Variants in WDTC1 observed in about 807,000 individuals in gnomAD.
WDTC1 encodes the protein WD and tetratricopeptide repeats 1.
A neutral mutation model predicts 76.0 loss-of-function variants in WDTC1; 12 were observed. The observed-to-expected ratio is 0.16, with a 90% CI of 0.10 to 0.26. WDTC1 has a LOEUF of 0.26. Ranked by LOEUF, WDTC1 falls within the 10% of genes least tolerant of loss-of-function variation. WDTC1 has a pLI of 1.00. For missense variants in WDTC1, 511 were observed against 908.8 expected (o/e 0.56, Z 5.63); for synonymous variants, 326 against 350.8 (o/e 0.93, Z 0.79).
chr1:27,241,173 G>GT (rs2011622515), intron 1 of WDTC1, among the ~76,000 whole-genome samples: 1 of 152,082 alleles, frequency 6.6e-6, no homozygotes, highest in South Asian at 2.1e-4. Context: ...TGCTAGAGCT[G>GT]TAACAGAGCT....
intron 6 of WDTC1, among the ~76,000 whole-genome samples, chr1:27,288,846 G>T (rs1213678386): frequency 6.6e-6 from 1 of 152,052 alleles, no homozygotes; most frequent in African/African-American, 2.4e-5. Flanking sequence ...ATCCTGGCCC[G>T]TTCTCAATGA....
intron 9 of WDTC1, among the ~76,000 whole-genome samples, chr1:27,295,828 C>T (rs929796096): frequency 6.6e-6 from 1 of 152,044 alleles, no homozygotes; most frequent in African/African-American, 2.4e-5. Context: ...TGCAGTGGTA[C>T]AATCTCAGGT....
intron 12 of WDTC1, among the ~76,000 whole-genome samples, chr1:27,298,479 G>A (rs1401826428): frequency 6.6e-6 from 1 of 152,214 alleles, no homozygotes; most frequent in African/African-American, 2.4e-5. Context: ...ATCTTGCTAA[G>A]TGGAAATGAG....
rs181002234 is a variant in WDTC1 at position 27,282,921 on chromosome 1, C to T, written c.180-417C>T. Among the ~76,000 whole-genome samples, 892 of 151,824 alleles carry T rather than the reference C, an allele frequency of 5.9e-3. 6 individuals are homozygous for T. The highest frequency in any genetic ancestry group is 7.3e-3 in the Non-Finnish European group (497 of 67,906). On this transcript the variant is annotated intron_variant, in intron 4 of 15. Transcript: ENST00000319394. ...TTGGGAGGCCGAGGCGGGTGGATCACGAGGTCAGGAGATTGAGACCATCCT... is the reference window on the plus strand; with the variant it reads ...TTGGGAGGCCGAGGCGGGTGGATCATGAGGTCAGGAGATTGAGACCATCCT...
chr1:27,292,040 C>T (rs2013549232), intron 6 of WDTC1, among the ~76,000 whole-genome samples, 175 bp from the exon 7 acceptor site: 1 of 152,192 alleles, frequency 6.6e-6, no homozygotes, highest in African/African-American at 2.4e-5. Context: ...AAGCCTACTA[C>T]AGGTACCTGG....
intron 3 of WDTC1, among the ~76,000 whole-genome samples, chr1:27,267,046 A>G (rs116679063): frequency 0.013 from 1,930 of 152,280 alleles, 23 homozygotes; most frequent in East Asian, 0.024. Flanking sequence ...CCTTATCCCT[A>G]TTCAACCATG....
intron 1 of WDTC1, among the ~76,000 whole-genome samples, chr1:27,239,564 C>T (rs1390275327): frequency 2.0e-5 from 3 of 148,034 alleles, no homozygotes; most frequent in Non-Finnish European, 3.0e-5. Flanking sequence ...TGGCTCATGC[C>T]TGTAATCCTA....
intron 1 of WDTC1, among the ~76,000 whole-genome samples, chr1:27,251,650 C>A (rs910277281): frequency 2.0e-5 from 3 of 151,948 alleles, no homozygotes; most frequent in African/African-American, 4.8e-5. Flanking sequence ...ATAGCAAGAC[C>A]CTGAATTTAG....
chr1:27,240,291 T>A (rs2011590267), intron 1 of WDTC1, among the ~76,000 whole-genome samples: 1 of 152,268 alleles, frequency 6.6e-6, no homozygotes, highest in Admixed American at 6.5e-5. Context: ...GACTCTAGAC[T>A]AAAGTTAAGG....
At chr1:27,278,697 A>AT (rs1489633284) in intron 3 of WDTC1, among the ~76,000 whole-genome samples, 1 of 152,198 alleles carries the variant, frequency 6.6e-6, no homozygotes, top group Non-Finnish European at 1.5e-5. Flanking sequence ...TCATTATTCC[A>AT]TATGCCTGAA....
At chr1:27,237,816 G>T (rs913807289) in intron 1 of WDTC1, among the ~76,000 whole-genome samples, 7 of 146,054 alleles carry the variant, frequency 4.8e-5, no homozygotes, top group African/African-American at 7.6e-5. Context: ...AGCTGTGATC[G>T]TGCCATTGCA....
In WDTC1 at chr1:27,260,990, G is replaced by A. The variant is rs1050226158; in HGVS notation, c.-65G>A. ...TGTGTATTTTGTGGACCTGGGCTTG[G>A]CTGGAATGCTCAGGGGTCCTGAAGA... is the stretch of plus-strand genomic sequence containing the variant. On this transcript the variant is annotated 5_prime_UTR_variant, in exon 2 of 16. The change creates a premature stop within an existing upstream ORF in the 5' untranslated region. Transcript: ENST00000319394. 5 of 1,569,358 alleles carry A rather than the reference G, an allele frequency of 3.2e-6. No individual in the cohort carries two copies. In the African/African-American group the frequency reaches 6.8e-5, roughly 21 times the overall value.
chr1:27,292,053 C>T (rs2013549585), intron 6 of WDTC1, among the ~76,000 whole-genome samples, 162 bp from the exon 7 acceptor site: 1 of 152,174 alleles, frequency 6.6e-6, no homozygotes. Flanking sequence ...GTACCTGGCA[C>T]ACTGTGGACA....
chr1:27,304,796 AG>A, intron 14 of WDTC1: 1 of 521,036 alleles, frequency 1.9e-6, no homozygotes, highest in Non-Finnish European at 3.4e-6. Context: ...GGAGAAATCC[AG>A]GTAGTCGCTG....
chr1:27,267,378 T>G (rs1211265046), intron 3 of WDTC1, among the ~76,000 whole-genome samples: 1 of 152,112 alleles, frequency 6.6e-6, no homozygotes, highest in Non-Finnish European at 1.5e-5. Flanking sequence ...TCTGAGTAGC[T>G]GGGATTACAG....
At chr1:27,267,374 T>C (rs1256450958) in intron 3 of WDTC1, among the ~76,000 whole-genome samples, 2 of 152,006 alleles carry the variant, frequency 1.3e-5, no homozygotes, top group African/African-American at 4.8e-5. Flanking sequence ...GCCTTCTGAG[T>C]AGCTGGGATT....
intron 1 of WDTC1, among the ~76,000 whole-genome samples, chr1:27,248,857 C>T (rs1392338758): frequency 6.6e-6 from 1 of 151,944 alleles, no homozygotes; most frequent in Non-Finnish European, 1.5e-5. Context: ...AGGGTTTCAC[C>T]ATGTTTCCCA....
At chr1:27,247,206 G>A (rs1273357194) in intron 1 of WDTC1, among the ~76,000 whole-genome samples, 1 of 151,814 alleles carries the variant, frequency 6.6e-6, no homozygotes, top group Non-Finnish European at 1.5e-5. Flanking sequence ...ACAGGTGCCT[G>A]CCACCACGCC....
intron 1 of WDTC1, among the ~76,000 whole-genome samples, chr1:27,240,534 T>G (rs1352351751): frequency 6.6e-6 from 1 of 152,186 alleles, no homozygotes; most frequent in Non-Finnish European, 1.5e-5. Flanking sequence ...GGCTTGGATG[T>G]AAAGGAATAC....
Sources: gnomAD v4.1 joint callset for allele counts (sites outside exome capture counted in the v4.1 genomes callset) on GRCh38, gnomAD v4.1.1 for gene constraint, MANE v1.5 for transcripts, NCBI Gene and HGNC (gene_info 2026-07-23, HGNC 2026-07-21) for gene names.